ACOXL: variants seen among roughly 807,000 people sequenced by gnomAD.
ACOXL encodes acyl-coenzyme A oxidase-like protein.
ACOXL carries 70 observed loss-of-function variants against 71.9 expected under a neutral mutation model. The observed-to-expected ratio is 0.97, with a 90% CI of 0.80 to 1.19. The LOEUF is 1.19. Ranked by LOEUF, ACOXL falls within the 50% of genes most tolerant of loss-of-function variation. The pLI is 0.00. For missense variants in ACOXL, 703 were observed against 736.3 expected (o/e 0.95, Z 0.52); for synonymous variants, 253 against 281.6 (o/e 0.90, Z 1.02).
intron 12 of ACOXL, chr2:110,967,913 A>G: frequency 9.5e-7 from 1 of 1,048,282 alleles, no homozygotes; most frequent in Non-Finnish European, 1.5e-6. Flanking sequence ...CAAGAGGGTA[A>G]AACTGGTTAC....
intron 5 of ACOXL, chr2:110,795,582 C>T (rs1441434449): frequency 1.3e-5 from 2 of 152,146 alleles, no homozygotes; most frequent in Admixed American, 1.3e-4. Context: ...TATTATTGTC[C>T]CTACTTTACA....
chr2:111,014,797 A>G (rs2149683958), intron 14 of ACOXL, among the ~76,000 whole-genome samples: 1 of 152,370 alleles, frequency 6.6e-6, no homozygotes. Flanking sequence ...GGAACACTAC[A>G]GAGTCCAGAA....
chr2:110,898,837 A>G (rs1574040185), intron 10 of ACOXL, among the ~76,000 whole-genome samples: 1 of 152,154 alleles, frequency 6.6e-6, no homozygotes, highest in Non-Finnish European at 1.5e-5. Context: ...TATGTAGAAA[A>G]CCCCAAGATA....
At chr2:111,000,496 G>T (rs1409951894) in intron 14 of ACOXL, among the ~76,000 whole-genome samples, 2 of 152,218 alleles carry the variant, frequency 1.3e-5, no homozygotes, top group African/African-American at 2.4e-5. Flanking sequence ...GAGGGCTTCT[G>T]TGACAAACCA....
At chr2:110,997,173 G>A (rs1303604513) in intron 14 of ACOXL, among the ~76,000 whole-genome samples, 4 of 152,142 alleles carry the variant, frequency 2.6e-5, no homozygotes, top group African/African-American at 9.7e-5. Context: ...GAAGACTATA[G>A]AAGAAAAGGC....
chr2:110,786,682 C>T (rs1002446706), intron 3 of ACOXL, among the ~76,000 whole-genome samples: 1 of 152,192 alleles, frequency 6.6e-6, no homozygotes, highest in African/African-American at 2.4e-5. Flanking sequence ...GCCCTCTCCT[C>T]TGGTCTCCAG....
At chr2:111,010,894 T>C (rs1300253388) in intron 14 of ACOXL, among the ~76,000 whole-genome samples, 1 of 152,180 alleles carries the variant, frequency 6.6e-6, no homozygotes, top group African/African-American at 2.4e-5. Flanking sequence ...TTTTCAGTAA[T>C]AGAATTTGTC....
intron 9 of ACOXL, among the ~76,000 whole-genome samples, chr2:110,809,689 A>G (rs185360886): frequency 6.6e-6 from 1 of 152,228 alleles, no homozygotes; most frequent in East Asian, 1.9e-4. Flanking sequence ...GAAATGGGTT[A>G]TTGCATCCTT....
At chr2:110,885,607 C>T (rs558371493) in intron 10 of ACOXL, among the ~76,000 whole-genome samples, 133 of 152,094 alleles carry the variant, frequency 8.7e-4, no homozygotes, top group African/African-American at 3.0e-3. Flanking sequence ...TTTGCAAATT[C>T]GACTCCACGA....
At chr2:111,050,939 G>A (rs193131541) in intron 16 of ACOXL, among the ~76,000 whole-genome samples, 5 of 152,254 alleles carry the variant, frequency 3.3e-5, no homozygotes, top group South Asian at 2.1e-4. Flanking sequence ...TAGCACATTC[G>A]GTTAGAAACT....
chr2:111,083,933 A>G (rs2068063837), intron 16 of ACOXL, among the ~76,000 whole-genome samples: 1 of 152,156 alleles, frequency 6.6e-6, no homozygotes, highest in East Asian at 1.9e-4. Flanking sequence ...TTTGATAAAT[A>G]TTAGATATTA....
chr2:110,987,264 T>C lies in ACOXL; in HGVS notation c.1169+47T>C, dbSNP rs759964958. On this transcript the variant is annotated intron_variant, in intron 13 of 17. Coordinates refer to ENST00000439055, the MANE Select transcript of ACOXL (RefSeq NM_001142807.4). ...ATCATCTGCCTTCAGTGGGTTATCATGAAGCCTGAGTTCATACAGCCTTGG... is the reference window on the plus strand; with the variant it reads ...ATCATCTGCCTTCAGTGGGTTATCACGAAGCCTGAGTTCATACAGCCTTGG... 8.6e-6 allele frequency: 13 copies of C among 1,514,674 alleles called. No individual in the cohort carries two copies. The South Asian group carries it at 1.1e-4, about 13-fold the overall frequency. The allele number at this position is 1,514,674 out of a possible 1,614,324, so 93.8% of individuals were successfully genotyped here. A position where few individuals can be genotyped will look rare whatever the true frequency, so the allele number is the denominator to read the frequency against.
intron 14 of ACOXL, among the ~76,000 whole-genome samples, chr2:110,997,740 T>C (rs892608585): frequency 1.3e-5 from 2 of 152,178 alleles, no homozygotes; most frequent in African/African-American, 4.8e-5. Flanking sequence ...GTGAAGCCAA[T>C]ACTATATGTT....
intron 16 of ACOXL, among the ~76,000 whole-genome samples, chr2:111,059,658 G>A (rs1295280501): frequency 6.6e-6 from 1 of 151,930 alleles, no homozygotes; most frequent in Non-Finnish European, 1.5e-5. Flanking sequence ...GGAACCTCAA[G>A]ACCCAAAGAA....
At chr2:110,901,952 G>A (rs796369971) in intron 10 of ACOXL, among the ~76,000 whole-genome samples, 58 of 151,876 alleles carry the variant, frequency 3.8e-4, no homozygotes, top group Middle Eastern at 3.4e-3. Context: ...GCTTGAACCC[G>A]GGAGGCAGAG....
rs75844289 is a variant in ACOXL at position 110,744,211 on chromosome 2, G to A, written c.-23+11437G>A. ...GCGAAGTGCATTAAAACTCTTGCTTGTAAAAGGCCAAGAGACCCAGTGGTC... is the reference window on the plus strand; with the variant it reads ...GCGAAGTGCATTAAAACTCTTGCTTATAAAAGGCCAAGAGACCCAGTGGTC... On this transcript the variant is annotated intron_variant, in intron 1 of 17. Transcript: ENST00000439055. 4.1e-3 allele frequency among the ~76,000 whole-genome samples: 621 copies of A among 152,086 alleles called. 23 individuals carry two copies. The East Asian group carries it at 0.091, about 22-fold the overall frequency.
At chr2:110,957,690 T>C (rs2061550435) in intron 12 of ACOXL, among the ~76,000 whole-genome samples, 2 of 152,190 alleles carry the variant, frequency 1.3e-5, no homozygotes, top group South Asian at 4.1e-4. Flanking sequence ...TTAATCTTAA[T>C]TACCCCTTTT....
intron 9 of ACOXL, among the ~76,000 whole-genome samples, chr2:110,809,274 G>A (rs765462570): frequency 2.3e-4 from 35 of 152,238 alleles, no homozygotes; most frequent in Non-Finnish European, 2.9e-4. Context: ...CACTGGGGTC[G>A]TGCTCACCTA....
intron 10 of ACOXL, among the ~76,000 whole-genome samples, chr2:110,880,102 A>T (rs1696432212): frequency 6.8e-6 from 1 of 147,470 alleles, no homozygotes; most frequent in Non-Finnish European, 1.5e-5. Flanking sequence ...CCGAGTTTGT[A>T]CCACTGCACT....
Sources: gnomAD v4.1 joint callset for allele counts (sites outside exome capture counted in the v4.1 genomes callset) on GRCh38, gnomAD v4.1.1 for gene constraint, MANE v1.5 for transcripts, NCBI Gene and HGNC (gene_info 2026-07-23, HGNC 2026-07-21) for gene names.